Variants in NCKAP5 observed in about 807,000 individuals in gnomAD.
NCKAP5 encodes the protein nck-associated protein 5.
Under a neutral mutation model 167.0 loss-of-function variants are expected in NCKAP5, and 92 were observed. The ratio of observed to expected loss-of-function variants is 0.55; its 90% CI spans 0.47 to 0.66. The LOEUF (loss-of-function observed/expected upper bound fraction) is 0.66, where lower values mean the gene tolerates loss of function less well. Ranked by LOEUF, NCKAP5 falls within the 30% of genes least tolerant of loss-of-function variation. The pLI, the probability that NCKAP5 is intolerant of heterozygous loss-of-function variation, is 0.00. For synonymous variants in NCKAP5, 891 were observed against 877.4 expected, an observed-to-expected ratio of 1.02 and a Z score of -0.27; for missense variants, 2,378 against 2,315.0, an observed-to-expected ratio of 1.03 and a Z score of -0.56.
chr2:133,637,105 T>C, the NCKAP5 span, among the ~76,000 whole-genome samples: 1 of 152,030 alleles, frequency 6.6e-6, no homozygotes, highest in Non-Finnish European at 1.5e-5. Flanking sequence ...TTTTGTTGTT[T>C]ATCTGAAAAT....
At chr2:133,476,346 A>G (rs1001747718) in intron 3 of NCKAP5, among the ~76,000 whole-genome samples, 4 of 152,192 alleles carry the variant, frequency 2.6e-5, no homozygotes, top group African/African-American at 9.7e-5. Flanking sequence ...GATAATTGCA[A>G]TTTTCTTCAA....
intron 6 of NCKAP5, among the ~76,000 whole-genome samples, chr2:133,035,190 C>T (rs2079002665): frequency 6.6e-6 from 1 of 151,926 alleles, no homozygotes; most frequent in South Asian, 2.1e-4. Flanking sequence ...ATGATAAAGG[C>T]ATCAATTCAG....
At chr2:132,794,217 T>C (rs1684308041) in intron 12 of NCKAP5, among the ~76,000 whole-genome samples, 1 of 105,140 alleles carries the variant, frequency 9.5e-6, no homozygotes, top group Non-Finnish European at 1.9e-5. Context: ...ATTAAAAATG[T>C]TTATACATAT....
At chr2:133,625,285 T>C in the NCKAP5 span, among the ~76,000 whole-genome samples, 1 of 152,196 alleles carries the variant, frequency 6.6e-6, no homozygotes, top group East Asian at 1.9e-4. Flanking sequence ...TCAAGACATA[T>C]TTTATCTTTA....
intron 8 of NCKAP5, among the ~76,000 whole-genome samples, chr2:132,925,947 T>G (rs1430487177): frequency 1.3e-5 from 2 of 152,198 alleles, no homozygotes; most frequent in Non-Finnish European, 2.9e-5. Context: ...GGATAAATTG[T>G]GTAGTGGAAG....
rs191168989 is a variant in NCKAP5 at position 132,906,678 on chromosome 2, G to C, written c.580-27762C>G. 6.6e-5 allele frequency among the ~76,000 whole-genome samples: 10 copies of C among 152,312 alleles called. No individual in the cohort carries two copies. The East Asian group carries it at 1.7e-3, about 26-fold the overall frequency. ...AGTACCTGGGCTTTCTTGACAACCAGAGCAGATGTGGAGCAGAATGGAAAG... is the reference window on the plus strand; with the variant it reads ...AGTACCTGGGCTTTCTTGACAACCACAGCAGATGTGGAGCAGAATGGAAAG... On this transcript the variant is annotated intron_variant, in intron 8 of 19. Transcript: ENST00000409261.
Position 132,783,741 on chromosome 2 carries a change from C to G in NCKAP5, c.3070G>C (p.Ala1024Pro). ...ATTACGGTGAAGGAGCTGGAGGGGG[C>G]ATGAGCAGGGCATCGGGTTTGAATG... ...AVIQTRCPAH[A>P]PSSSFTVMAL... Residue 1024 changes from alanine (A) to proline (P), a missense_variant, in exon 14 of 20, where the codon GCC becomes CCC. Ala to Pro is a conservative substitution (Grantham distance 27). Around this residue, in one of 3 missense-constraint regions of NCKAP5, gnomAD observed 1,325 missense variants for 1,274.5 expected, o/e 1.04. Transcript: ENST00000409261. 1 of 1,605,112 alleles carries G rather than the reference C, an allele frequency of 6.2e-7. No homozygotes were observed. Among genetic ancestry groups the G allele is most frequent in the Non-Finnish European group, 8.5e-7 (1 of 1,175,942 alleles).
chr2:133,575,206 A>C, the NCKAP5 span, among the ~76,000 whole-genome samples: 1 of 152,222 alleles, frequency 6.6e-6, no homozygotes, highest in Non-Finnish European at 1.5e-5. Flanking sequence ...CTGGGCTATT[A>C]GGCAGGAGCC....
chr2:132,683,337 T>C (rs1344769126), intron 19 of NCKAP5, among the ~76,000 whole-genome samples: 2 of 152,178 alleles, frequency 1.3e-5, no homozygotes, highest in East Asian at 3.8e-4. Context: ...GATTTTAGGT[T>C]AGCATCAAGA....
chr2:133,488,212 A>G (rs937681357), intron 3 of NCKAP5, among the ~76,000 whole-genome samples: 1 of 152,204 alleles, frequency 6.6e-6, no homozygotes, highest in Non-Finnish European at 1.5e-5. Context: ...TGCTTTACTT[A>G]GCTTGGAGAA....
chr2:132,921,187 A>C (rs1243856186), intron 8 of NCKAP5, among the ~76,000 whole-genome samples: 3 of 151,970 alleles, frequency 2.0e-5, no homozygotes, highest in Non-Finnish European at 4.4e-5. Flanking sequence ...CCCCACAGGA[A>C]CCTCATGTAC....
chr2:133,477,982 CTG>C (rs1231977174), intron 3 of NCKAP5, among the ~76,000 whole-genome samples: 1 of 152,162 alleles, frequency 6.6e-6, no homozygotes, highest in African/African-American at 2.4e-5. Context: ...GAAAGCAAAA[CTG>C]AGGATAAGAG....
intron 3 of NCKAP5, among the ~76,000 whole-genome samples, chr2:133,441,907 T>C (rs1179041574): frequency 6.6e-6 from 1 of 152,230 alleles, no homozygotes; most frequent in African/African-American, 2.4e-5. Context: ...TTTCAGTCTC[T>C]GTCATAAAAA....
chr2:133,614,525 A>G, the NCKAP5 span, among the ~76,000 whole-genome samples: 187 of 152,186 alleles, frequency 1.2e-3, 1 homozygote, highest in Middle Eastern at 3.4e-3. Flanking sequence ...GAGCCGATGC[A>G]ATCAACTGGA....
chr2:133,266,430 G>C (rs984382652), intron 4 of NCKAP5: 4 of 152,710 alleles, frequency 2.6e-5, no homozygotes, highest in Non-Finnish European at 4.4e-5. Flanking sequence ...GGGGTAGTGG[G>C]AGCCAGGTGC....
In NCKAP5 at chr2:133,315,430, G is replaced by A. The variant is rs752897322; in HGVS notation, c.70-12320C>T. Among the ~76,000 whole-genome samples the A allele has an allele frequency of 6.8e-4, 104 of 152,166 alleles. 2 individuals are homozygous for A. The highest frequency in any genetic ancestry group is 2.2e-4 in the Non-Finnish European group (15 of 68,020). On this transcript the variant is annotated intron_variant, in intron 3 of 19. Transcript: ENST00000409261. ...GGGGTAAATTTGTGCAAGGGGTGTT[G>A]AATAAATTGTTCTCCTTTGGCAGTG...
intron 3 of NCKAP5, among the ~76,000 whole-genome samples, chr2:133,509,779 C>G (rs909019508): frequency 6.6e-6 from 1 of 152,156 alleles, no homozygotes; most frequent in African/African-American, 2.4e-5. Flanking sequence ...ATACACAGGA[C>G]AGCGCCCATG....
At chr2:133,418,697 T>C (rs1242267080) in intron 3 of NCKAP5, among the ~76,000 whole-genome samples, 4 of 152,224 alleles carry the variant, frequency 2.6e-5, no homozygotes, top group African/African-American at 9.6e-5. Context: ...TTGATTAAAC[T>C]GTGACCTCTG....
intron 3 of NCKAP5, among the ~76,000 whole-genome samples, chr2:133,502,095 T>C (rs1477203350): frequency 2.6e-5 from 4 of 152,226 alleles, no homozygotes; most frequent in Non-Finnish European, 1.5e-5. Context: ...GTGATCCTTA[T>C]ATAAGCCCAG....
Sources: allele counts gnomAD v4.1 joint callset (sites outside exome capture counted in the v4.1 genomes callset), GRCh38; gene constraint gnomAD v4.1.1; regional missense constraint gnomAD v4.1.1; transcripts MANE v1.5; gene names NCBI Gene and HGNC (gene_info 2026-07-23, HGNC 2026-07-21).